The following PPP1R18 variants were observed in gnomAD, a reference collection of about 807,000 sequenced individuals.
The protein encoded by PPP1R18 is protein phosphatase 1 regulatory subunit 18, also known as phostensin.
A neutral mutation model predicts 54.8 loss-of-function variants in PPP1R18; 31 were observed. The ratio of observed to expected loss-of-function variants is 0.57; its 90% CI spans 0.43 to 0.76. PPP1R18 has a LOEUF of 0.76. Ranked by LOEUF, PPP1R18 falls within the 30% of genes least tolerant of loss-of-function variation. The pLI is 0.00. For missense variants in PPP1R18, 685 were observed against 776.1 expected (o/e 0.88, Z 1.39); for synonymous variants, 310 against 320.2 (o/e 0.97, Z 0.34).
At chr6:30,678,438 C>T (rs1370964402) in intron 2 of PPP1R18, among the ~76,000 whole-genome samples, 2 of 150,264 alleles carry the variant, frequency 1.3e-5, no homozygotes, top group African/African-American at 2.5e-5. Flanking sequence ...TGCAGTGGCA[C>T]GACCTCGGCT....
At position 30,685,061 on chromosome 6, in the gene PPP1R18, C is replaced by T; in HGVS notation, c.958G>A (p.Glu320Lys). The change falls in exon 1 of 3, where the codon GAA becomes AAA. Residue 320 changes from glutamate (E) to lysine (K), a missense_variant. By Grantham distance (56) the Glu-to-Lys change is moderately conservative. Coordinates refer to ENST00000274853, the MANE Select transcript of PPP1R18 (RefSeq NM_133471.4). The surrounding 1 kb of genome is among the most constrained non-coding windows in gnomAD (Gnocchi z 5.0). ...GVEAAEQRPV[E>K]DGERGMKPTE... ...GGCTTCATGCCCCTCTCGCCATCTT[C>T]CACAGGCCTCTGCTCTGCTGCCTCC... 1.9e-6 allele frequency: 3 copies of T among 1,613,258 alleles called. No homozygotes were observed. Among genetic ancestry groups the T allele is most frequent in the Non-Finnish European group, 2.5e-6 (3 of 1,180,020 alleles).
chr6:30,678,085 A>G (rs1770300499), intron 2 of PPP1R18, among the ~76,000 whole-genome samples: 1 of 151,544 alleles, frequency 6.6e-6, no homozygotes, highest in Non-Finnish European at 1.5e-5. Context: ...TAATTTTTGT[A>G]TTTTTAGTAG....
chr6:30,685,750 A>G lies in PPP1R18; in HGVS notation c.269T>C (p.Phe90Ser). The G allele has an allele frequency of 6.2e-7, 1 of 1,612,964 alleles. No homozygotes were observed. The highest frequency in any genetic ancestry group is 8.5e-7 in the Non-Finnish European group (1 of 1,179,966). Reference sequence around the variant, plus strand: ...CTGCTGCTGCCGCTCCTGCCGGATGAATCGGTTCTGGTGCACTGGCCCGAT... The same window carrying G: ...CTGCTGCTGCCGCTCCTGCCGGATGGATCGGTTCTGGTGCACTGGCCCGAT... ...EAIGPVHQNR[F>S]IRQERQQQQQ... The change falls in exon 1 of 3, where the codon TTC becomes TCC. Residue 90 changes from phenylalanine (F) to serine (S), a missense_variant. Coordinates refer to ENST00000274853, the MANE Select transcript of PPP1R18 (RefSeq NM_133471.4). This position sits in a 1 kb window ranked among gnomAD's most constrained non-coding sequence, Gnocchi z 5.0.
intron 1 of PPP1R18, among the ~76,000 whole-genome samples, chr6:30,682,697 T>C (rs962389260): frequency 1.8e-4 from 25 of 141,128 alleles, no homozygotes; most frequent in Non-Finnish European, 3.2e-4. Context: ...GGGCCCAGGG[T>C]TCCCCACTCA....
chr6:30,684,716 G>C lies in PPP1R18; in HGVS notation c.1303C>G (p.Pro435Ala). The C allele has an allele frequency of 1.3e-6, 2 of 1,492,678 alleles. No homozygotes were observed. The highest frequency in any genetic ancestry group is 1.8e-6 in the Non-Finnish European group (2 of 1,112,988). 92.5% of individuals were successfully genotyped at this position (1,492,678 alleles called of 1,614,324 possible). ...GGTTGGGGGGCAGTTGGGGCTGGGG[G>C]TGGGGGAGACAGAGGGGCTGGTGGT... ...PPPPAPLSPP[P>A]PAPTAPQPPG... The change falls in exon 1 of 3, where the codon CCC becomes GCC. Residue 435 changes from proline to alanine, a missense_variant. By Grantham distance (27) the Pro-to-Ala change is conservative. Coordinates refer to ENST00000274853, the MANE Select transcript of PPP1R18 (RefSeq NM_133471.4). This position sits in a 1 kb window ranked among gnomAD's most constrained non-coding sequence, Gnocchi z 6.0.
rs1371603708 is a variant in PPP1R18, at chr6:30,686,048, TG to T, written c.-31del. The T allele has an allele frequency of 1.3e-6, 2 of 1,523,690 alleles. No individual in the cohort carries two copies. The highest frequency in any genetic ancestry group is 1.7e-6 in the Non-Finnish European group (2 of 1,143,794). The allele number at this position is 1,523,690 out of a possible 1,614,324, so 94.4% of individuals were successfully genotyped here. On this transcript the variant is annotated 5_prime_UTR_variant, in exon 1 of 3. Transcript: ENST00000274853. ...GTCTTGAGGTGAGGGTAGGGAGCAC[TG>T]GGGACAGAGAACAGGAAGGAGAGGC...
chr6:30,680,037 G>T (rs529694887), intron 1 of PPP1R18, among the ~76,000 whole-genome samples: 89 of 152,240 alleles, frequency 5.8e-4, no homozygotes, highest in African/African-American at 9.6e-4. Context: ...CAGAAAGGCC[G>T]AGAGGAACCA....
Position 30,683,969 on chromosome 6 carries a change from C to T in PPP1R18, c.1611+439G>A, listed in dbSNP as rs1286174549. 6.6e-6 allele frequency among the ~76,000 whole-genome samples: 1 copy of T among 152,108 alleles called. No individual in the cohort carries two copies. The highest frequency in any genetic ancestry group is 1.5e-5 in the Non-Finnish European group (1 of 68,012). On this transcript the variant is annotated intron_variant, in intron 1 of 2. Transcript: ENST00000274853. This position sits in a 1 kb window ranked among gnomAD's most constrained non-coding sequence, Gnocchi z 5.1. ...AAACCCACCCCACCCCCTCCACCAC[C>T]CCAGGCTCCCTATCCCTTCTCCCCA...
intron 2 of PPP1R18, among the ~76,000 whole-genome samples, chr6:30,677,834 G>C (rs970584909): frequency 2.6e-5 from 4 of 152,008 alleles, no homozygotes; most frequent in Non-Finnish European, 5.9e-5. Context: ...GCGACAGAGG[G>C]AGACGCTGTC....
In PPP1R18 at chr6:30,679,287, C is replaced by A; in HGVS notation, c.1714G>T (p.Ala572Ser). Residue 572 changes from alanine to serine, a missense_variant, in exon 2 of 3, where the codon GCC (alanine) becomes TCC (serine). Coordinates refer to ENST00000274853, the MANE Select transcript of PPP1R18 (RefSeq NM_133471.4). Reference protein sequence around the residue: ...ELGPEPEVPSAPNPPAAQPDD... With the variant: ...ELGPEPEVPSSPNPPAAQPDD... ...GGTTGGGCTGCTGGAGGGTTGGGGG[C>A]ACTGGGGACCTCAGGCTCCGGGCCC... 1 of 1,553,214 alleles carries A rather than the reference C, an allele frequency of 6.4e-7. No homozygotes were observed. Among genetic ancestry groups the A allele is most frequent in the Non-Finnish European group, 8.7e-7 (1 of 1,149,354 alleles).
intron 1 of PPP1R18, among the ~76,000 whole-genome samples, chr6:30,679,804 G>A (rs115557175): frequency 6.3e-4 from 96 of 152,282 alleles, no homozygotes; most frequent in African/African-American, 1.9e-3. Context: ...GGCACCTTGG[G>A]GGCAATCGAG....
At chr6:30,688,137 A>C (rs1229037779), upstream of PPP1R18, 1 of 158,066 alleles carries the variant, frequency 6.3e-6, no homozygotes, top group African/African-American at 2.4e-5. The surrounding 1 kb of genome is among the most constrained non-coding windows in gnomAD (Gnocchi z 5.9). Flanking sequence ...GAGCAGGAGA[A>C]TCCCCTTGAC....
At position 30,686,039 on chromosome 6, in the gene PPP1R18, A is replaced by G; in HGVS notation, c.-21T>C. The G allele has an allele frequency of 2.6e-6, 4 of 1,537,486 alleles. No individual in the cohort carries two copies. Among genetic ancestry groups the G allele is most frequent in the South Asian group, 1.2e-5 (1 of 81,496 alleles). ...GCCATGGTCGTCTTGAGGTGAGGGTAGGGAGCACTGGGGACAGAGAACAGG... is the reference window on the plus strand; with the variant it reads ...GCCATGGTCGTCTTGAGGTGAGGGTGGGGAGCACTGGGGACAGAGAACAGG... On this transcript the variant is annotated 5_prime_UTR_variant, in exon 1 of 3. Transcript: ENST00000274853.
rs781447050 is a variant in PPP1R18 at position 30,685,945 on chromosome 6, C to T, written c.74G>A (p.Arg25Gln). 2.5e-6 allele frequency: 4 copies of T among 1,605,714 alleles called. No homozygotes were observed. The highest frequency in any genetic ancestry group is 2.7e-5 in the African/African-American group (2 of 74,872). The change falls in exon 1 of 3, where the codon CGA (arginine) becomes CAA (glutamine). Residue 25 changes from arginine to glutamine, a missense_variant. Coordinates refer to ENST00000274853, the MANE Select transcript of PPP1R18 (RefSeq NM_133471.4). The surrounding 1 kb of genome is among the most constrained non-coding windows in gnomAD (Gnocchi z 5.0). ...CAGGCGCTCCCGTTCTGCTTTCTCTCGGCCTCGAACGGACGCCTCCTCCTG... is the reference window on the plus strand; with the variant it reads ...CAGGCGCTCCCGTTCTGCTTTCTCTTGGCCTCGAACGGACGCCTCCTCCTG... ...RRQEEASVRG[R>Q]EKAERERLSQ... is the part of the protein sequence containing the mutation.
At chr6:30,678,003 C>T (rs914945940) in intron 2 of PPP1R18, among the ~76,000 whole-genome samples, 11 of 151,816 alleles carry the variant, frequency 7.2e-5, no homozygotes, top group Admixed American at 5.3e-4. Context: ...CTCTGCTTCC[C>T]GGGTTCAAGT....
At chr6:30,677,458 C>T (rs1384121957) in intron 2 of PPP1R18, among the ~76,000 whole-genome samples, 170 bp from the exon 3 acceptor site, 1 of 152,066 alleles carries the variant, frequency 6.6e-6, no homozygotes, top group Admixed American at 6.6e-5. Flanking sequence ...TCATTTAGCT[C>T]GGACTCTGTG....
rs2269706 is a variant in PPP1R18 at position 30,685,095 on chromosome 6, G to A, written c.924C>T (p.Ser308=). Residue 308 remains serine (S), a synonymous_variant, in exon 1 of 3, where the codon TCC becomes TCT. Coordinates refer to ENST00000274853, the MANE Select transcript of PPP1R18 (RefSeq NM_133471.4). The surrounding 1 kb of genome is among the most constrained non-coding windows in gnomAD (Gnocchi z 5.0). ...TLTREAQGNS[S]AGVEAAEQRP... is the part of the protein sequence containing the mutation. ...TCTGCTCTGCTGCCTCCACTCCTGC[G>A]GAACTGTTGCCTTGGGCCTCCCTTG... is the stretch of plus-strand genomic sequence containing the variant. 152,370 of 1,613,048 alleles carry A rather than the reference G, an allele frequency of 0.094. 10,986 individuals carry two copies. The highest frequency in any genetic ancestry group is 0.3 in the South Asian group (27,390 of 91,072).
rs199834657 is a variant in PPP1R18, at chr6:30,682,819, T to TTGCTTCCTGGCTCCCCTGGGA, written c.1611+1568_1611+1588dup. Among the ~76,000 whole-genome samples, 64 of 152,246 alleles carry TTGCTTCCTGGCTCCCCTGGGA rather than the reference T, an allele frequency of 4.2e-4. 1 individual carries two copies. The East Asian group carries it at 0.012, about 29-fold the overall frequency. ...CACCAGCACAGGTCCTGCCCTGCACTTGCTTCCTGGCTCCCCTGGGATGCT... is the reference window on the plus strand; with the variant it reads ...CACCAGCACAGGTCCTGCCCTGCACTTGCTTCCTGGCTCCCCTGGGATGCTTCCTGGCTCCCCTGGGATGCT... On this transcript the variant is annotated intron_variant, in intron 1 of 2. Transcript: ENST00000274853.
In PPP1R18 at chr6:30,685,029, T is replaced by C. The variant is rs373391935; in HGVS notation, c.990A>G (p.Glu330=). 6.8e-6 allele frequency: 11 copies of C among 1,613,090 alleles called. No homozygotes were observed. Among genetic ancestry groups the C allele is most frequent in the Non-Finnish European group, 8.5e-6 (10 of 1,179,980 alleles). The change falls in exon 1 of 3, where the codon GAA becomes GAG. Residue 330 remains glutamate (E), a synonymous_variant. Coordinates refer to ENST00000274853, the MANE Select transcript of PPP1R18 (RefSeq NM_133471.4). The surrounding 1 kb of genome is among the most constrained non-coding windows in gnomAD (Gnocchi z 5.0). The part of the protein sequence containing the change: ...EDGERGMKPT[E]GWKWTLNSGK... The stretch of plus-strand genomic sequence containing the variant: ...CGGAGTTCAGGGTCCATTTCCACCC[T>C]TCTGTTGGCTTCATGCCCCTCTCGC...
Sources: gnomAD v4.1 joint callset for allele counts (sites outside exome capture counted in the v4.1 genomes callset) on GRCh38, gnomAD v4.1.1 for gene constraint, Gnocchi (gnomAD v3.1) non-coding constraint, MANE v1.5 for transcripts, NCBI Gene and HGNC (gene_info 2026-07-23, HGNC 2026-07-21) for gene names.